The following ELOB variants were observed in gnomAD, a reference collection of about 807,000 sequenced individuals.
ELOB encodes elongin B.
Under a neutral mutation model 12.9 loss-of-function variants are expected in ELOB, and 3 were observed. That is an observed-to-expected ratio of 0.23 (90% CI 0.11 to 0.60). The LOEUF (loss-of-function observed/expected upper bound fraction) is 0.60. Ranked by LOEUF, ELOB falls within the 20% of genes least tolerant of loss-of-function variation. The pLI, the probability that ELOB is intolerant of heterozygous loss-of-function variation, is 0.89. For missense variants in ELOB, 126 were observed against 159.2 expected, an observed-to-expected ratio of 0.79 and a Z score of 1.12; for synonymous variants, 84 against 67.4, an observed-to-expected ratio of 1.25 and a Z score of -1.21.
intron 2 of ELOB, among the ~76,000 whole-genome samples, chr16:2,776,339 C>T (rs1326070254): frequency 1.3e-5 from 2 of 152,168 alleles, no homozygotes; most frequent in Non-Finnish European, 2.9e-5. Context: ...CTGAACAATG[C>T]ACTTGGGCGA....
intron 2 of ELOB, among the ~76,000 whole-genome samples, chr16:2,776,750 G>T (rs974999252): frequency 6.6e-6 from 1 of 152,254 alleles, no homozygotes; most frequent in Non-Finnish European, 1.5e-5. Context: ...CGTTGCAGGG[G>T]TTGCATGCCA....
intron 3 of ELOB, chr16:2,772,647 T>G (rs1489281629): frequency 4.0e-5 from 6 of 151,432 alleles, no homozygotes; most frequent in Non-Finnish European, 8.8e-5. Context: ...GAGGCGGAGC[T>G]TGCAGTAGCT....
intron 2 of ELOB, among the ~76,000 whole-genome samples, chr16:2,776,629 G>A (rs1212876181): frequency 8.5e-5 from 13 of 152,264 alleles, no homozygotes; most frequent in Admixed American, 6.5e-4. Context: ...CTGCGAAGAA[G>A]GGTGGGGATT....
rs906387508 is a variant in ELOB, at chr16:2,773,936, C to G, written c.244+1515G>C. Among the ~76,000 whole-genome samples the G allele has an allele frequency of 2.0e-5, 3 of 152,210 alleles. No homozygotes were observed. In the East Asian group the frequency reaches 5.8e-4, roughly 29 times the overall value. ...TTGGCACTCCCTTGCTCTCTTCAGA[C>G]AGGCACCCCTGGGCCAGGCACCGAG... On this transcript the variant is annotated intron_variant, in intron 3 of 3. Coordinates refer to ENST00000409906, the MANE Select transcript of ELOB (RefSeq NM_007108.4).
At chr16:2,774,296 C>T (rs1301976281) in intron 3 of ELOB, among the ~76,000 whole-genome samples, 4 of 152,220 alleles carry the variant, frequency 2.6e-5, no homozygotes, top group Admixed American at 1.3e-4. Context: ...AGCCCTGCAC[C>T]TGACTCTTAA....
chr16:2,771,489 G>A lies in ELOB; in HGVS notation c.*501C>T. ...CTCCGTGATTACAGCCCCCAGCGTG[G>A]GTGGACCTGTGTGGGTCCGTCTTGG... On this transcript the variant is annotated 3_prime_UTR_variant, in exon 4 of 4. Transcript: ENST00000409906. 2 of 1,614,228 alleles carry A rather than the reference G, an allele frequency of 1.2e-6. No homozygotes were observed. The highest frequency in any genetic ancestry group is 1.7e-6 in the Non-Finnish European group (2 of 1,180,044).
intron 3 of ELOB, among the ~76,000 whole-genome samples, chr16:2,772,718 C>G (rs73496402): frequency 0.036 from 5,443 of 151,330 alleles, 318 homozygotes; most frequent in African/African-American, 0.12. Flanking sequence ...AAAAAAAAAT[C>G]AAACTAGACT....
rs909697699 is a variant in ELOB, at chr16:2,772,014, A to G, written c.333T>C (p.Ser111=). 3.1e-6 allele frequency: 5 copies of G among 1,612,826 alleles called. No homozygotes were observed. In the Admixed American group the frequency reaches 6.7e-5, roughly 22 times the overall value. ...CTCACTGCACGGCTTGTTCATTGGCACTGCTTCCCGAGTCCTGGGGCTTCA... is the reference window on the plus strand; with the variant it reads ...CTCACTGCACGGCTTGTTCATTGGCGCTGCTTCCCGAGTCCTGGGGCTTCA... ...DVMKPQDSGS[S]ANEQAVQ The change falls in exon 4 of 4, where the codon AGT becomes AGC. Residue 111 remains serine, a synonymous_variant. Coordinates refer to ENST00000409906, the MANE Select transcript of ELOB (RefSeq NM_007108.4).
At chr16:2,774,342 C>G (rs2068786778) in intron 3 of ELOB, among the ~76,000 whole-genome samples, 1 of 152,268 alleles carries the variant, frequency 6.6e-6, no homozygotes, top group Non-Finnish European at 1.5e-5. Context: ...CACAGAAAGG[C>G]TCTGAAGCTT....
chr16:2,772,939 G>A (rs913112925), intron 3 of ELOB, among the ~76,000 whole-genome samples: 2 of 152,006 alleles, frequency 1.3e-5, no homozygotes, highest in African/African-American at 2.4e-5. Flanking sequence ...GGACTTTCAG[G>A]GTCCAACTCA....
intron 3 of ELOB, among the ~76,000 whole-genome samples, chr16:2,774,345 T>C (rs1431904103): frequency 6.6e-6 from 1 of 152,262 alleles, no homozygotes; most frequent in Admixed American, 6.5e-5. Context: ...AGAAAGGCTC[T>C]GAAGCTTCCC....
At chr16:2,775,332 G>T in intron 3 of ELOB, 119 bp downstream of exon 3, 1 of 580,466 alleles carries the variant, frequency 1.7e-6, no homozygotes, top group East Asian at 3.2e-5. Flanking sequence ...CAGCCCTTTA[G>T]GCACGAGGAA....
intron 3 of ELOB, among the ~76,000 whole-genome samples, chr16:2,772,704 CAAAA>C (rs545817204): frequency 1.7e-3 from 247 of 141,998 alleles, no homozygotes; most frequent in African/African-American, 4.8e-3. Flanking sequence ...GACTCCATCT[CAAAA>C]AAAAAAAATC....
At chr16:2,776,935 G>T in intron 2 of ELOB, 58 bp downstream of exon 2, 1 of 1,520,334 alleles carries the variant, frequency 6.6e-7, no homozygotes. Flanking sequence ...CAGCGTAGGC[G>T]TCAGCCCCGT....
At chr16:2,775,415 G>C in intron 3 of ELOB, 36 bp downstream of exon 3, 1 of 1,485,074 alleles carries the variant, frequency 6.7e-7, no homozygotes, top group African/African-American at 1.4e-5. Context: ...AACCTGCTTG[G>C]CTACCACCCA....
chr16:2,772,217 C>T, intron 3 of ELOB, 115 bp from the exon 4 acceptor site: 2 of 1,273,806 alleles, frequency 1.6e-6, no homozygotes, highest in Non-Finnish European at 2.1e-6. Flanking sequence ...GAACGCCCCT[C>T]CACACGGCTG....
chr16:2,776,865 C>A, intron 2 of ELOB, 128 bp downstream of exon 2: 1 of 1,312,386 alleles, frequency 7.6e-7, no homozygotes, highest in Non-Finnish European at 1.0e-6. Context: ...CAACGGATGT[C>A]CCAGTCCCGC....
chr16:2,771,643 A>T lies in ELOB; in HGVS notation c.*347T>A. ...GGGCACTTAGAAGGAGAAAGGCCTA[A>T]AACTGGAATCTCTTGTCCCTGAGGC... On this transcript the variant is annotated 3_prime_UTR_variant, in exon 4 of 4. Coordinates refer to ENST00000409906, the MANE Select transcript of ELOB (RefSeq NM_007108.4). The T allele has an allele frequency of 6.2e-7, 1 of 1,613,024 alleles. No homozygotes were observed. The highest frequency in any genetic ancestry group is 1.1e-5 in the South Asian group (1 of 91,016).
At chr16:2,773,287 A>G (rs1345947827) in intron 3 of ELOB, among the ~76,000 whole-genome samples, 1 of 152,010 alleles carries the variant, frequency 6.6e-6, no homozygotes, top group Non-Finnish European at 1.5e-5. Context: ...TAGTGGGTAG[A>G]GGCCTGGGAT....
Sources: gnomAD v4.1 joint callset for allele counts (sites outside exome capture counted in the v4.1 genomes callset) on GRCh38, gnomAD v4.1.1 for gene constraint, MANE v1.5 for transcripts, NCBI Gene and HGNC (gene_info 2026-07-23, HGNC 2026-07-21) for gene names.